The following DPP10 variants were observed in gnomAD, a reference collection of about 807,000 sequenced individuals.
The protein encoded by DPP10 is inactive dipeptidyl peptidase 10.
In DPP10, 33 loss-of-function variants were observed where a neutral mutation model predicts 120.9. The ratio of observed to expected loss-of-function variants is 0.27; its 90% CI spans 0.21 to 0.37. The LOEUF (loss-of-function observed/expected upper bound fraction) is 0.37. Ranked by LOEUF, DPP10 falls within the 10% of genes least tolerant of loss-of-function variation. DPP10 has a pLI of 1.00. For missense variants in DPP10, 816 were observed against 942.8 expected (o/e 0.87, Z 1.76); for synonymous variants, 337 against 326.1 (o/e 1.03, Z -0.36).
chr2:114,794,567 A>G (rs781522869), intron 1 of DPP10, among the ~76,000 whole-genome samples: 8 of 152,196 alleles, frequency 5.3e-5, no homozygotes, highest in Non-Finnish European at 8.8e-5. Context: ...AAGCTCATCA[A>G]AATGATTTGG....
chr2:114,717,241 G>A (rs1261145406), intron 1 of DPP10, among the ~76,000 whole-genome samples: 1 of 152,154 alleles, frequency 6.6e-6, no homozygotes, highest in Non-Finnish European at 1.5e-5. Flanking sequence ...GGAAAACAAA[G>A]GCCATAGAAA....
chr2:114,747,444 C>A (rs183732317), intron 1 of DPP10, among the ~76,000 whole-genome samples: 2 of 152,094 alleles, frequency 1.3e-5, no homozygotes, highest in Non-Finnish European at 2.9e-5. Flanking sequence ...GTACATTTTC[C>A]ATCACTTAGC....
intron 1 of DPP10, among the ~76,000 whole-genome samples, chr2:114,869,591 A>G (rs976983748): frequency 6.6e-6 from 1 of 152,176 alleles, no homozygotes; most frequent in African/African-American, 2.4e-5. Context: ...TTGTGGTCAC[A>G]GGAATCACGG....
At chr2:115,316,898 A>G (rs1168848108) in intron 2 of DPP10, among the ~76,000 whole-genome samples, 1 of 152,128 alleles carries the variant, frequency 6.6e-6, no homozygotes, top group Non-Finnish European at 1.5e-5. Context: ...ACTTGAGCCT[A>G]GGAATTCAAA....
chr2:115,192,004 G>T (rs1057106967), intron 1 of DPP10, among the ~76,000 whole-genome samples: 1 of 152,172 alleles, frequency 6.6e-6, no homozygotes, highest in African/African-American at 2.4e-5. Flanking sequence ...TCTTTTTGGG[G>T]AACAGTTCAG....
At chr2:115,115,048 G>A (rs1002502494) in intron 1 of DPP10, among the ~76,000 whole-genome samples, 7 of 151,880 alleles carry the variant, frequency 4.6e-5, no homozygotes, top group Non-Finnish European at 1.0e-4. Flanking sequence ...TGCCTAAGAC[G>A]GCACAGGTAG....
chr2:115,630,096 A>T (rs2085717674), intron 5 of DPP10, among the ~76,000 whole-genome samples: 1 of 152,058 alleles, frequency 6.6e-6, no homozygotes, highest in South Asian at 2.1e-4. Flanking sequence ...CATGGTTTGT[A>T]GTTTTCCTTG....
chr2:114,896,719 C>A (rs533447314), intron 1 of DPP10, among the ~76,000 whole-genome samples: 3 of 152,098 alleles, frequency 2.0e-5, no homozygotes, highest in African/African-American at 4.8e-5. Context: ...TAATTGAATA[C>A]CCTTTATTTC....
intron 1 of DPP10, among the ~76,000 whole-genome samples, chr2:115,261,759 C>T (rs981003127): frequency 1.3e-5 from 2 of 152,160 alleles, no homozygotes; most frequent in Non-Finnish European, 2.9e-5. Flanking sequence ...TGCTGTGTGG[C>T]AGAGTATCTT....
At chr2:115,251,021 C>A (rs1449428623) in intron 1 of DPP10, among the ~76,000 whole-genome samples, 1 of 152,042 alleles carries the variant, frequency 6.6e-6, no homozygotes, top group South Asian at 2.1e-4. Flanking sequence ...AGCTTTCGTC[C>A]CCGGTGGCTT....
intron 1 of DPP10, among the ~76,000 whole-genome samples, chr2:115,033,834 G>A (rs1159117636): frequency 6.7e-6 from 1 of 149,186 alleles, no homozygotes; most frequent in Non-Finnish European, 1.5e-5. Context: ...CCAAAGTGCT[G>A]AGACTACATG....
At chr2:114,454,600 T>C (rs1452730693) in intron 1 of DPP10, among the ~76,000 whole-genome samples, 1 of 152,174 alleles carries the variant, frequency 6.6e-6, no homozygotes, top group Non-Finnish European at 1.5e-5. Context: ...AAGTTTCCTG[T>C]TTTCTCTCAT....
At chr2:115,089,401 A>G (rs889416762) in intron 1 of DPP10, among the ~76,000 whole-genome samples, 1 of 152,136 alleles carries the variant, frequency 6.6e-6, no homozygotes, top group Non-Finnish European at 1.5e-5. Context: ...TGTCTCCAAG[A>G]CTAGATGAGC....
intron 2 of DPP10, among the ~76,000 whole-genome samples, chr2:115,311,985 G>T (rs2061598542): frequency 6.6e-6 from 1 of 151,872 alleles, no homozygotes; most frequent in African/African-American, 2.4e-5. Context: ...CGAACTCCTG[G>T]TCTCAAGCAG....
chr2:115,771,152 G>A (rs545259532), intron 13 of DPP10, among the ~76,000 whole-genome samples: 99 of 151,918 alleles, frequency 6.5e-4, no homozygotes, highest in African/African-American at 2.1e-3. Flanking sequence ...TCGGCTCACT[G>A]CAACCCCCTC....
At chr2:114,757,296 G>A (rs1679856997) in intron 1 of DPP10, among the ~76,000 whole-genome samples, 1 of 145,428 alleles carries the variant, frequency 6.9e-6, no homozygotes, top group African/African-American at 2.6e-5. Flanking sequence ...GCGAGAGAAA[G>A]GAAGGAAGAG....
intron 1 of DPP10, among the ~76,000 whole-genome samples, chr2:115,172,544 T>G (rs2053426689): frequency 6.6e-6 from 1 of 152,180 alleles, no homozygotes; most frequent in Non-Finnish European, 1.5e-5. Flanking sequence ...TTTTAGTGGA[T>G]AGACCCAGGG....
At chr2:115,151,791 C>CCAT (rs1375683492) in intron 1 of DPP10, among the ~76,000 whole-genome samples, 6 of 150,792 alleles carry the variant, frequency 4.0e-5, no homozygotes, top group African/African-American at 1.5e-4. Context: ...GATCTTTTTG[C>CCAT]CATCTATAAT....
chr2:114,688,586 G>T (rs965618331), intron 1 of DPP10, among the ~76,000 whole-genome samples: 5 of 151,960 alleles, frequency 3.3e-5, no homozygotes, highest in African/African-American at 1.2e-4. Flanking sequence ...GGCTGGATTA[G>T]CATGGAAAAC....
Sources: allele counts gnomAD v4.1 joint callset (sites outside exome capture counted in the v4.1 genomes callset), GRCh38; gene constraint gnomAD v4.1.1; transcripts MANE v1.5; gene names NCBI Gene and HGNC (gene_info 2026-07-23, HGNC 2026-07-21).